Variants in ST3GAL6 observed in about 807,000 individuals in gnomAD.
ST3GAL6 encodes the protein ST3 beta-galactoside alpha-2,3-sialyltransferase 6.
A neutral mutation model predicts 40.5 loss-of-function variants in ST3GAL6; 31 were observed. That is an observed-to-expected ratio of 0.77 (90% CI 0.58 to 1.03). The LOEUF (loss-of-function observed/expected upper bound fraction) is 1.03. Among genes scored for constraint, ST3GAL6 ranks in the 50% least tolerant of loss-of-function variants. ST3GAL6 has a pLI of 0.00. For synonymous variants in ST3GAL6, 129 were observed against 136.9 expected (o/e 0.94, Z 0.40); for missense variants, 357 against 393.2 (o/e 0.91, Z 0.78).
chr3:98,733,689 C>A, intron 1 of ST3GAL6: 1 of 754,864 alleles, frequency 1.3e-6, no homozygotes. Context: ...TCCCGGCAAT[C>A]TCAAGCCTCT....
At chr3:98,777,316 C>G (rs1488310312) in intron 5 of ST3GAL6, among the ~76,000 whole-genome samples, 3 of 152,190 alleles carry the variant, frequency 2.0e-5, no homozygotes, top group Non-Finnish European at 4.4e-5. Context: ...TTAGTGCCAT[C>G]AAGGTGAAAG....
At chr3:98,738,982 C>A (rs539493807) in intron 1 of ST3GAL6, among the ~76,000 whole-genome samples, 1 of 152,192 alleles carries the variant, frequency 6.6e-6, no homozygotes, top group Admixed American at 6.5e-5. Context: ...TTCAAAAAAA[C>A]CAAAATCATA....
intron 8 of ST3GAL6, among the ~76,000 whole-genome samples, chr3:98,788,828 G>T (rs1940976231): frequency 1.3e-5 from 2 of 152,196 alleles, no homozygotes; most frequent in South Asian, 4.1e-4. Context: ...CTGGCTTCAG[G>T]CCAAGTGCAT....
At chr3:98,750,318 G>A (rs1936907421) in intron 1 of ST3GAL6, among the ~76,000 whole-genome samples, 2 of 152,142 alleles carry the variant, frequency 1.3e-5, no homozygotes, top group Non-Finnish European at 2.9e-5. Context: ...GGGGGTATAG[G>A]ATATAACATG....
chr3:98,747,002 T>G (rs1936611021), intron 1 of ST3GAL6, among the ~76,000 whole-genome samples: 1 of 152,216 alleles, frequency 6.6e-6, no homozygotes, highest in Non-Finnish European at 1.5e-5. Flanking sequence ...ATGCTCTGTT[T>G]AATAGTCCCC....
At chr3:98,791,389 C>T (rs539703508) in intron 8 of ST3GAL6, among the ~76,000 whole-genome samples, 5 of 152,184 alleles carry the variant, frequency 3.3e-5, no homozygotes, top group South Asian at 2.1e-4. Flanking sequence ...TATTCGAAGG[C>T]GAATTTATAT....
intron 1 of ST3GAL6, chr3:98,733,514 G>A: frequency 2.0e-6 from 2 of 986,374 alleles, no homozygotes; most frequent in Non-Finnish European, 2.4e-6. Flanking sequence ...AAAGTTTTTC[G>A]AGAAACCCTT....
chr3:98,780,842 T>A (rs1352394635), intron 5 of ST3GAL6, among the ~76,000 whole-genome samples: 1 of 152,182 alleles, frequency 6.6e-6, no homozygotes. Flanking sequence ...TAACTCAGTG[T>A]GATAGAGTGG....
At chr3:98,772,974 G>A in intron 4 of ST3GAL6, 58 bp downstream of exon 4, 2 of 1,053,016 alleles carry the variant, frequency 1.9e-6, no homozygotes, top group Non-Finnish European at 2.9e-6. Context: ...TGATGAGAAT[G>A]GCATGTTAAT....
chr3:98,740,438 T>C (rs1313624916), intron 1 of ST3GAL6, among the ~76,000 whole-genome samples: 1 of 152,176 alleles, frequency 6.6e-6, no homozygotes, highest in Non-Finnish European at 1.5e-5. Flanking sequence ...ACTTTCTTTT[T>C]ATTGTCCTGT....
At position 98,795,820 on chromosome 3, in the gene ST3GAL6, A is replaced by AAAAT. The variant is rs1214740126; in HGVS notation, c.*2063_*2066dup. On this transcript the variant is annotated 3_prime_UTR_variant, in exon 10 of 10. Transcript: ENST00000483910. ...CTCTGCACATGTACCCTTAGAATCT[A>AAAAT]AAATAAAAGTTGAAATTATTTTTTT... The AAAAT allele has an allele frequency of 1.3e-5, 2 of 152,250 alleles. No homozygotes were observed. The highest frequency in any genetic ancestry group is 4.8e-5 in the African/African-American group (2 of 41,448). 9.4% of individuals were successfully genotyped at this position (152,250 alleles called of 1,614,324 possible).
At chr3:98,768,599 A>C (rs1938630501) in intron 2 of ST3GAL6, 70 bp downstream of exon 2, 1 of 1,153,300 alleles carries the variant, frequency 8.7e-7, no homozygotes, top group South Asian at 1.3e-5. Flanking sequence ...AAATTATAGT[A>C]GAGGGTCCTA....
intron 1 of ST3GAL6, among the ~76,000 whole-genome samples, chr3:98,751,681 G>A (rs574273297): frequency 1.3e-5 from 2 of 152,220 alleles, no homozygotes; most frequent in East Asian, 1.9e-4. Flanking sequence ...ACAACCTTAA[G>A]CAAAACATTT....
chr3:98,763,238 G>T, upstream of ST3GAL6: 1 of 1,232,408 alleles, frequency 8.1e-7, no homozygotes, highest in East Asian at 5.7e-5. Context: ...GTAGGCATGT[G>T]ACTGCAGATT....
upstream of ST3GAL6, among the ~76,000 whole-genome samples, chr3:98,758,628 C>T (rs1453032292): frequency 1.3e-5 from 2 of 152,146 alleles, no homozygotes; most frequent in African/African-American, 2.4e-5. Flanking sequence ...GTCACAGATA[C>T]TTTAAGATGT....
intron 8 of ST3GAL6, among the ~76,000 whole-genome samples, chr3:98,790,982 T>C (rs1941155302): frequency 6.6e-6 from 1 of 152,216 alleles, no homozygotes; most frequent in African/African-American, 2.4e-5. Context: ...TGGTTGTGCT[T>C]CTTCGATTTT....
chr3:98,734,758 T>C (rs933495243), intron 1 of ST3GAL6, among the ~76,000 whole-genome samples: 1 of 152,188 alleles, frequency 6.6e-6, no homozygotes, highest in African/African-American at 2.4e-5. Flanking sequence ...AGACATACCA[T>C]TTAAAAACAT....
Position 98,795,217 on chromosome 3 carries a change from C to T in ST3GAL6, c.*1456C>T, listed in dbSNP as rs1941511810. 6.6e-6 allele frequency: 1 copy of T among 152,214 alleles called. No homozygotes were observed. The highest frequency in any genetic ancestry group is 2.1e-4 in the South Asian group (1 of 4,838). 9.4% of individuals were successfully genotyped at this position (152,214 alleles called of 1,614,324 possible). A position where few individuals can be genotyped will look rare whatever the true frequency, so the allele number is the denominator to read the frequency against. ...TATGAGCTGAAGAAAGAATTACTCT[C>T]TTTTGACCAATAAATACAATTGGGA... On this transcript the variant is annotated 3_prime_UTR_variant, in exon 10 of 10. Transcript: ENST00000483910.
intron 5 of ST3GAL6, among the ~76,000 whole-genome samples, chr3:98,778,384 G>C (rs1237362522): frequency 1.2e-4 from 18 of 152,220 alleles, no homozygotes; most frequent in Non-Finnish European, 2.9e-5. Context: ...TTGAAAAAGA[G>C]TCCTAACTCT....
Sources: allele counts gnomAD v4.1 joint callset (sites outside exome capture counted in the v4.1 genomes callset), GRCh38; gene constraint gnomAD v4.1.1; transcripts MANE v1.5; gene names NCBI Gene and HGNC (gene_info 2026-07-23, HGNC 2026-07-21).